The following GPALPP1 variants were observed in gnomAD, a reference collection of about 807,000 sequenced individuals.
GPALPP1 encodes the protein GPALPP motifs containing 1.
GPALPP1 carries 30 observed loss-of-function variants against 38.9 expected under a neutral mutation model. That is an observed-to-expected ratio of 0.77 (90% CI 0.58 to 1.05). GPALPP1 has a LOEUF of 1.05. Ranked by LOEUF, GPALPP1 falls within the 50% of genes least tolerant of loss-of-function variation. The pLI, the probability that GPALPP1 is intolerant of heterozygous loss-of-function variation, is 0.00. For missense variants in GPALPP1, 384 were observed against 408.8 expected (o/e 0.94, Z 0.52); for synonymous variants, 120 against 139.2 (o/e 0.86, Z 0.97).
intron 4 of GPALPP1, among the ~76,000 whole-genome samples, chr13:45,009,429 C>G (rs893551525): frequency 6.6e-6 from 1 of 152,086 alleles, no homozygotes. Flanking sequence ...AATGCATTTT[C>G]CCTGTATGTG....
At chr13:45,021,193 T>G (rs1593405009) in intron 7 of GPALPP1, among the ~76,000 whole-genome samples, 1 of 152,186 alleles carries the variant, frequency 6.6e-6, no homozygotes, top group African/African-American at 2.4e-5. Context: ...TAAATGTAAA[T>G]TACTGAACCC....
chr13:44,994,127 A>C (rs1486598523), intron 1 of GPALPP1, among the ~76,000 whole-genome samples: 2 of 144,784 alleles, frequency 1.4e-5, no homozygotes, highest in Admixed American at 7.0e-5. Context: ...CTGAGGTGGG[A>C]GGATCGCATG....
chr13:45,010,287 T>G lies in GPALPP1; in HGVS notation c.408+1408T>G, dbSNP rs187664207. ...TGTGGCTGGCCTCCTAGACCTTCAG[T>G]TTTTTTGCTGGAATATTATCTTTCC... On this transcript the variant is annotated intron_variant, in intron 4 of 7. Transcript: ENST00000379151. Among the ~76,000 whole-genome samples, 15 of 152,234 alleles carry G rather than the reference T, an allele frequency of 9.9e-5. No homozygotes were observed. The East Asian group carries it at 2.7e-3, about 27-fold the overall frequency.
In GPALPP1 at chr13:45,004,424, G is replaced by C; in HGVS notation, c.208G>C (p.Gly70Arg). 1 of 1,608,744 alleles carries C rather than the reference G, an allele frequency of 6.2e-7. No individual in the cohort carries two copies. Among genetic ancestry groups the C allele is most frequent in the South Asian group, 1.1e-5 (1 of 90,804 alleles). Residue 70 changes from glycine to arginine, a missense_variant, in exon 2 of 8, where the codon GGT becomes CGT. Transcript: ENST00000379151. ...GNQESEEDDS[G>R]PTARKQRKNQ... ...TCAAGAATCTGAAGAAGATGACAGTGGTCCAACTGCAAGGTCAGTCATTTA... is the reference window on the plus strand; with the variant it reads ...TCAAGAATCTGAAGAAGATGACAGTCGTCCAACTGCAAGGTCAGTCATTTA...
chr13:45,015,368 A>G, intron 5 of GPALPP1, 64 bp from the exon 6 acceptor site: 1 of 956,322 alleles, frequency 1.0e-6, no homozygotes, highest in Non-Finnish European at 1.5e-6. Flanking sequence ...GCTTGTACAT[A>G]TATATGTACT....
At chr13:45,037,039 G>C (rs1430579855) in exon 8 of GPALPP1, 1 of 152,174 alleles carries the variant, frequency 6.6e-6, no homozygotes, top group African/African-American at 2.4e-5. Context: ...TCATTGTTTT[G>C]AGATCTAGAC....
chr13:45,026,554 T>G (rs997039321), intron 7 of GPALPP1, among the ~76,000 whole-genome samples: 1 of 152,224 alleles, frequency 6.6e-6, no homozygotes, highest in African/African-American at 2.4e-5. Flanking sequence ...TTTTTACTAG[T>G]GCCTTGTTAT....
chr13:44,990,350 A>G (rs955276301), intron 1 of GPALPP1: 1 of 166,178 alleles, frequency 6.0e-6, no homozygotes, highest in South Asian at 2.0e-4. Flanking sequence ...ATTCCTAAAC[A>G]TAACTGACAA....
At chr13:45,002,867 C>G (rs1209636789) in intron 1 of GPALPP1, among the ~76,000 whole-genome samples, 2 of 152,184 alleles carry the variant, frequency 1.3e-5, no homozygotes, top group Non-Finnish European at 2.9e-5. Context: ...CCTCTGTCAT[C>G]TCATCATTTA....
At chr13:45,021,901 T>G (rs1307991184) in intron 7 of GPALPP1, among the ~76,000 whole-genome samples, 1 of 152,224 alleles carries the variant, frequency 6.6e-6, no homozygotes, top group African/African-American at 2.4e-5. Flanking sequence ...AACAGACATG[T>G]ACCCTGCTAT....
intron 2 of GPALPP1, among the ~76,000 whole-genome samples, chr13:45,004,671 AG>A (rs944965554): frequency 2.0e-5 from 3 of 152,116 alleles, no homozygotes; most frequent in Admixed American, 6.6e-5. Flanking sequence ...TTCCTGAGAC[AG>A]GGGCTCACTC....
At chr13:45,025,848 C>T (rs756408755) in intron 7 of GPALPP1, among the ~76,000 whole-genome samples, 22 of 151,892 alleles carry the variant, frequency 1.4e-4, no homozygotes, top group South Asian at 1.0e-3. Context: ...CTTGGCTTAC[C>T]GCAACCTCCA....
In GPALPP1 at chr13:45,027,871, G is replaced by T; in HGVS notation, c.891G>T (p.Glu297Asp). The T allele has an allele frequency of 1.9e-6, 3 of 1,605,502 alleles. No individual in the cohort carries two copies. The highest frequency in any genetic ancestry group is 2.2e-5 in the South Asian group (2 of 90,878). Residue 297 changes from glutamate to aspartate, a missense_variant, in exon 8 of 8, where the codon GAG becomes GAT. Glu to Asp is a conservative substitution (Grantham distance 45, BLOSUM62 2). Transcript: ENST00000379151. ...CTGAAGACAAAAATAAGCCTCAAGA[G>T]AGAATACCATTTGACCGTGATAAAG... Reference protein sequence around the residue: ...KAAEDKNKPQERIPFDRDKDL... With the variant: ...KAAEDKNKPQDRIPFDRDKDL...
intron 1 of GPALPP1, among the ~76,000 whole-genome samples, chr13:44,992,858 CATT>C (rs1215808593): frequency 2.6e-5 from 4 of 152,182 alleles, no homozygotes; most frequent in South Asian, 4.1e-4. Context: ...GGTACAGTCA[CATT>C]GTTGTGCGGT....
intron 7 of GPALPP1, among the ~76,000 whole-genome samples, chr13:45,026,270 A>C (rs192456342): frequency 1.3e-5 from 2 of 152,322 alleles, no homozygotes; most frequent in East Asian, 1.9e-4. Flanking sequence ...GAATAGTGTC[A>C]ATTTAAATAC....
intron 7 of GPALPP1, among the ~76,000 whole-genome samples, chr13:45,024,290 GTGTGTGTGTGTGTGTGTGTT>G (rs2138013883): frequency 1.3e-5 from 2 of 148,322 alleles, no homozygotes; most frequent in South Asian, 4.4e-4. Flanking sequence ...GTGTGTGTGT[GTGTGTGTGTGTGTGTGTGTT>G]TTGAGACTGA....
intron 7 of GPALPP1, 28 bp downstream of exon 7, chr13:45,020,456 C>A: frequency 2.2e-6 from 2 of 916,424 alleles, no homozygotes; most frequent in Non-Finnish European, 3.6e-6. Context: ...ATATATAGAG[C>A]CAGGTGTGAT....
chr13:45,033,070 T>G (rs1353550400), downstream of GPALPP1, among the ~76,000 whole-genome samples: 1 of 151,774 alleles, frequency 6.6e-6, no homozygotes, highest in Non-Finnish European at 1.5e-5. Context: ...GAGATTTGCA[T>G]GGTACCAAGG....
At chr13:45,035,181 C>T (rs1876368092), downstream of GPALPP1, 1 of 152,576 alleles carries the variant, frequency 6.6e-6, no homozygotes, top group African/African-American at 2.4e-5. Flanking sequence ...TGGTCTCGAT[C>T]TCCTGACCTG....
Sources: allele counts gnomAD v4.1 joint callset (sites outside exome capture counted in the v4.1 genomes callset), GRCh38; gene constraint gnomAD v4.1.1; transcripts MANE v1.5; gene names NCBI Gene and HGNC (gene_info 2026-07-23, HGNC 2026-07-21).